The following NGLY1 variants were observed in gnomAD, a reference collection of about 807,000 sequenced individuals.
The protein encoded by NGLY1 is peptide-N(4)-(N-acetyl-beta-glucosaminyl)asparagine amidase.
NGLY1 carries 68 observed loss-of-function variants against 84.6 expected under a neutral mutation model. That is an observed-to-expected ratio of 0.80 (90% CI 0.66 to 0.98). NGLY1 has a LOEUF of 0.98. Among genes scored for constraint, NGLY1 ranks in the 50% least tolerant of loss-of-function variants. The pLI is 0.00. For missense variants in NGLY1, 779 were observed against 770.2 expected (o/e 1.01, Z -0.14); for synonymous variants, 280 against 275.2 (o/e 1.02, Z -0.17).
intron 5 of NGLY1, among the ~76,000 whole-genome samples, chr3:25,738,812 T>A (rs1705976351): frequency 4.0e-5 from 6 of 151,756 alleles, no homozygotes; most frequent in Admixed American, 3.9e-4. Context: ...TGTCCTAAGC[T>A]AAAAAAAATT....
At chr3:25,753,620 T>C (rs1253957989) in intron 3 of NGLY1, among the ~76,000 whole-genome samples, 1 of 151,854 alleles carries the variant, frequency 6.6e-6, no homozygotes, top group Non-Finnish European at 1.5e-5. Context: ...TAGAAAAATA[T>C]AAAATTAAAA....
intron 4 of NGLY1, among the ~76,000 whole-genome samples, chr3:25,740,078 T>C (rs970223140): frequency 3.3e-5 from 5 of 152,188 alleles, no homozygotes; most frequent in African/African-American, 1.2e-4. Flanking sequence ...AATGACCTCT[T>C]AGGGAACTAT....
intron 4 of NGLY1, among the ~76,000 whole-genome samples, chr3:25,747,060 A>G (rs1706473070): frequency 6.6e-6 from 1 of 152,200 alleles, no homozygotes; most frequent in Non-Finnish European, 1.5e-5. Context: ...GGTCTACAAC[A>G]TAATGTTTTA....
intron 9 of NGLY1, chr3:25,730,017 T>C (rs1257305512): frequency 6.6e-6 from 1 of 152,074 alleles, no homozygotes; most frequent in African/African-American, 2.4e-5. Context: ...CCTCAACCAT[T>C]TCCTCAGTGT....
chr3:25,734,931 A>G, intron 7 of NGLY1: 2 of 708,876 alleles, frequency 2.8e-6, no homozygotes, highest in South Asian at 1.3e-4. Flanking sequence ...TTAGATTTAT[A>G]TTACAGAACT....
intron 10 of NGLY1, among the ~76,000 whole-genome samples, chr3:25,728,588 T>C (rs1303497162): frequency 6.6e-6 from 1 of 152,136 alleles, no homozygotes; most frequent in African/African-American, 2.4e-5. Context: ...TGAACTGCTA[T>C]AGTCCTAACC....
At chr3:25,733,466 C>CGTGTATGTGTGTGTGTGTGTGTGTGTGT (rs1491564606) in intron 8 of NGLY1, among the ~76,000 whole-genome samples, 1 of 134,124 alleles carries the variant, frequency 7.5e-6, no homozygotes, top group African/African-American at 2.8e-5. Flanking sequence ...CTCACATGGA[C>CGTGTATGTGTGTGTGTGTGTGTGTGTGT]GTGTGTGTGT....
intron 10 of NGLY1, among the ~76,000 whole-genome samples, chr3:25,726,230 A>G (rs946605093): frequency 6.6e-6 from 1 of 152,210 alleles, no homozygotes; most frequent in African/African-American, 2.4e-5. Context: ...TATGCCACGT[A>G]CATTTTTACA....
chr3:25,784,034 T>A (rs1258687173), upstream of NGLY1: 1 of 152,146 alleles, frequency 6.6e-6, no homozygotes, highest in Admixed American at 6.5e-5. Flanking sequence ...TCCCCACAAA[T>A]AAAACCACCT....
intron 4 of NGLY1, among the ~76,000 whole-genome samples, chr3:25,744,966 C>A (rs1365196772): frequency 2.6e-5 from 4 of 152,172 alleles, no homozygotes; most frequent in Non-Finnish European, 4.4e-5. Context: ...TAATTTCTTA[C>A]ATGAGAAAAT....
In NGLY1 at chr3:25,765,593, G is replaced by T. The variant is rs142258715; in HGVS notation, c.247-1282C>A. ...AGACCTACAGGAATCAACTGAACAA[G>T]ACATTACTCAATGACATGAAAGTCA... is the stretch of plus-strand genomic sequence containing the variant. On this transcript the variant is annotated intron_variant, in intron 2 of 11. Transcript: ENST00000280700. 4.2e-3 allele frequency among the ~76,000 whole-genome samples: 643 copies of T among 152,068 alleles called. 6 individuals carry two copies. The highest frequency in any genetic ancestry group is 0.015 in the African/African-American group (618 of 41,484).
At position 25,780,173 on chromosome 3, in the gene NGLY1, A is replaced by T. The variant is rs1160945642; in HGVS notation, c.132-1485T>A. On this transcript the variant is annotated intron_variant, in intron 1 of 11. Transcript: ENST00000280700. ...GAAATACAAAGAAAATTTTATTCTC[A>T]ACTCTTTATTCTGTGTATTAGATTA... Among the ~76,000 whole-genome samples, 5 of 152,292 alleles carry T rather than the reference A, an allele frequency of 3.3e-5. No homozygotes were observed. In the East Asian group the frequency reaches 7.7e-4, roughly 24 times the overall value.
chr3:25,719,170 A>G lies in NGLY1; in HGVS notation c.*290T>C, dbSNP rs1704851511. On this transcript the variant is annotated 3_prime_UTR_variant, in exon 12 of 12. Transcript: ENST00000280700. ...AATCATGAATAGCATTTAATCATGAATATCATTATTTAACTTTTAAAACCA... is the reference window on the plus strand; with the variant it reads ...AATCATGAATAGCATTTAATCATGAGTATCATTATTTAACTTTTAAAACCA... 1 of 219,302 alleles carries G rather than the reference A, an allele frequency of 4.6e-6. No individual in the cohort carries two copies. Among genetic ancestry groups the G allele is most frequent in the African/African-American group, 2.3e-5 (1 of 44,178 alleles). The allele number at this position is 219,302 out of a possible 1,614,324, so 13.6% of individuals were successfully genotyped here.
At chr3:25,766,516 G>A (rs1188112911) in intron 2 of NGLY1, among the ~76,000 whole-genome samples, 1 of 152,164 alleles carries the variant, frequency 6.6e-6, no homozygotes. Context: ...AAACCCATGA[G>A]CTTGCACAAA....
At chr3:25,760,850 A>C (rs1177682378) in intron 3 of NGLY1, among the ~76,000 whole-genome samples, 5 of 135,108 alleles carry the variant, frequency 3.7e-5, no homozygotes, top group Admixed American at 1.6e-4. Flanking sequence ...ACAAGAGTGA[A>C]ACTCTGTCTC....
chr3:25,749,814 A>G, intron 4 of NGLY1: 1 of 1,246,372 alleles, frequency 8.0e-7, no homozygotes, highest in Non-Finnish European at 1.2e-6. Flanking sequence ...AAGAACTGCA[A>G]AGCCATCATG....
At chr3:25,750,983 A>T in intron 4 of NGLY1, 115 bp downstream of exon 4, 1 of 996,514 alleles carries the variant, frequency 1.0e-6, no homozygotes, top group Non-Finnish European at 1.4e-6. Context: ...TCCACATATA[A>T]GTGGACCCAT....
intron 1 of NGLY1, among the ~76,000 whole-genome samples, chr3:25,780,274 C>T (rs1351334449): frequency 3.3e-5 from 5 of 152,196 alleles, no homozygotes; most frequent in Non-Finnish European, 5.9e-5. Context: ...GCAGAACATT[C>T]GCATTCCTGG....
chr3:25,735,979 A>T, intron 7 of NGLY1, 25 bp downstream of exon 7: 1 of 1,561,586 alleles, frequency 6.4e-7, no homozygotes, highest in South Asian at 1.2e-5. Flanking sequence ...CTTTTGGAAA[A>T]AAGTTTTTTT....
Sources: allele counts gnomAD v4.1 joint callset (sites outside exome capture counted in the v4.1 genomes callset), GRCh38; gene constraint gnomAD v4.1.1; transcripts MANE v1.5; gene names NCBI Gene and HGNC (gene_info 2026-07-23, HGNC 2026-07-21).